FHIP1A: variants seen among roughly 807,000 people sequenced by gnomAD.
FHIP1A encodes FHF complex subunit HOOK interacting protein 1A.
FHIP1A carries 61 observed loss-of-function variants against 88.6 expected under a neutral mutation model. The ratio of observed to expected loss-of-function variants is 0.69; its 90% CI spans 0.56 to 0.85. The LOEUF is 0.85. Among genes scored for constraint, FHIP1A ranks in the 40% least tolerant of loss-of-function variants. The pLI is 0.00. For missense variants in FHIP1A, 1,154 were observed against 1,273.5 expected (o/e 0.91, Z 1.43); for synonymous variants, 478 against 496.0 (o/e 0.96, Z 0.48).
At chr4:151,652,825 G>A (rs1397953249) in intron 11 of FHIP1A, among the ~76,000 whole-genome samples, 1 of 152,220 alleles carries the variant, frequency 6.6e-6, no homozygotes, top group Non-Finnish European at 1.5e-5. Context: ...TGGGTGGGGA[G>A]GTGGGAGAGA....
intron 3 of FHIP1A, among the ~76,000 whole-genome samples, chr4:151,509,111 A>G (rs1730933133): frequency 6.6e-6 from 1 of 152,212 alleles, no homozygotes; most frequent in Admixed American, 6.5e-5. Context: ...CTGGGAAGCA[A>G]ACTGACTTTT....
At chr4:151,652,012 G>A (rs1052396390) in intron 11 of FHIP1A, among the ~76,000 whole-genome samples, 3 of 152,194 alleles carry the variant, frequency 2.0e-5, no homozygotes, top group Non-Finnish European at 4.4e-5. Flanking sequence ...GAAAAGGGCA[G>A]CAGTAACTTA....
intron 1 of FHIP1A, among the ~76,000 whole-genome samples, chr4:151,447,492 T>G (rs1446135499): frequency 6.6e-6 from 1 of 152,330 alleles, no homozygotes; most frequent in African/African-American, 2.4e-5. Context: ...TTTCCTCGAA[T>G]CACCATACTT....
intron 7 of FHIP1A, among the ~76,000 whole-genome samples, chr4:151,597,427 G>T (rs1005262542): frequency 1.3e-5 from 2 of 152,168 alleles, no homozygotes; most frequent in Non-Finnish European, 2.9e-5. Flanking sequence ...TCACCCGCCA[G>T]ATGCCAGCTG....
chr4:151,445,189 C>T (rs146236725), intron 1 of FHIP1A, among the ~76,000 whole-genome samples: 1 of 152,158 alleles, frequency 6.6e-6, no homozygotes, highest in African/African-American at 2.4e-5. Flanking sequence ...TAATTTACTA[C>T]AAAGTATATA....
At chr4:151,514,511 A>C (rs1381802942) in intron 3 of FHIP1A, among the ~76,000 whole-genome samples, 1 of 151,818 alleles carries the variant, frequency 6.6e-6, no homozygotes, top group African/African-American at 2.4e-5. Context: ...TAATGAATCC[A>C]GGAGCTGGTT....
At chr4:151,574,133 T>G (rs1733697110) in intron 4 of FHIP1A, among the ~76,000 whole-genome samples, 1 of 152,220 alleles carries the variant, frequency 6.6e-6, no homozygotes, top group Admixed American at 6.5e-5. Flanking sequence ...TAAGGACATG[T>G]GGCAACACAA....
At chr4:151,629,243 C>A (rs867378971) in intron 7 of FHIP1A, among the ~76,000 whole-genome samples, 1 of 152,180 alleles carries the variant, frequency 6.6e-6, no homozygotes, top group Non-Finnish European at 1.5e-5. Context: ...GCTCATCTTT[C>A]TGGACATAAG....
chr4:151,646,997 C>T (rs1446381138), intron 10 of FHIP1A, among the ~76,000 whole-genome samples: 2 of 152,104 alleles, frequency 1.3e-5, no homozygotes, highest in Non-Finnish European at 2.9e-5. Flanking sequence ...GTGGGATCCT[C>T]AGAGTCAAAA....
At chr4:151,568,241 A>G (rs1733466500) in intron 4 of FHIP1A, among the ~76,000 whole-genome samples, 1 of 152,242 alleles carries the variant, frequency 6.6e-6, no homozygotes, top group Non-Finnish European at 1.5e-5. Context: ...ACAGATACAT[A>G]GTACTCTCAG....
At chr4:151,634,176 A>C (rs1245717566) in intron 8 of FHIP1A, among the ~76,000 whole-genome samples, 1 of 151,862 alleles carries the variant, frequency 6.6e-6, no homozygotes. Context: ...TAATAGCATC[A>C]AAAAGAATAA....
At chr4:151,557,781 G>A (rs1733007436) in intron 3 of FHIP1A, among the ~76,000 whole-genome samples, 1 of 152,148 alleles carries the variant, frequency 6.6e-6, no homozygotes, top group Admixed American at 6.5e-5. Context: ...CCTAAATTCT[G>A]GACCTCCAAG....
chr4:151,586,070 G>A (rs1405897115), intron 5 of FHIP1A, among the ~76,000 whole-genome samples: 3 of 152,098 alleles, frequency 2.0e-5, no homozygotes, highest in East Asian at 3.9e-4. Flanking sequence ...ATACGTGGAA[G>A]TGCTTTGTAA....
intron 3 of FHIP1A, among the ~76,000 whole-genome samples, chr4:151,501,023 T>C (rs1268985285): frequency 2.0e-5 from 3 of 152,194 alleles, no homozygotes; most frequent in East Asian, 1.9e-4. Context: ...CTGAAAAGCA[T>C]TGGAGTGAAG....
At chr4:151,597,274 C>T (rs1421590882) in intron 7 of FHIP1A, among the ~76,000 whole-genome samples, 4 of 152,092 alleles carry the variant, frequency 2.6e-5, no homozygotes, top group African/African-American at 4.8e-5. Context: ...TTCCTTCTAA[C>T]AGTCAGGCCC....
At chr4:151,519,159 T>A (rs1731363209) in intron 3 of FHIP1A, among the ~76,000 whole-genome samples, 1 of 152,190 alleles carries the variant, frequency 6.6e-6, no homozygotes, top group Non-Finnish European at 1.5e-5. Flanking sequence ...TACACCTGCA[T>A]AATCCAAAGT....
Position 151,577,548 on chromosome 4 carries a change from A to G in FHIP1A, c.204A>G (p.Val68=), listed in dbSNP as rs1437609092. The change falls in exon 5 of 14, where the codon GTA becomes GTG. Residue 68 remains valine (V), a synonymous_variant. Coordinates refer to ENST00000435205, the MANE Select transcript of FHIP1A (RefSeq NM_001109977.3). ...AGGCCAGTGCCGTGCAGAATTACGT[A>G]GAACACATGCTCTTCTTGTTGATTG... ...PDEASAVQNY[V]EHMLFLLIEE... The G allele has an allele frequency of 3.9e-6, 6 of 1,551,766 alleles. No homozygotes were observed. The highest frequency in any genetic ancestry group is 2.0e-5 in the Admixed American group (1 of 50,984).
At chr4:151,536,586 C>T (rs1029568964) in intron 3 of FHIP1A, among the ~76,000 whole-genome samples, 8 of 152,104 alleles carry the variant, frequency 5.3e-5, no homozygotes, top group Non-Finnish European at 1.0e-4. Flanking sequence ...TGGCTTTTTT[C>T]GCTCAGCATA....
chr4:151,561,563 G>A (rs1733174374), intron 3 of FHIP1A, among the ~76,000 whole-genome samples: 1 of 152,084 alleles, frequency 6.6e-6, no homozygotes, highest in Non-Finnish European at 1.5e-5. Flanking sequence ...AGGGCACAAG[G>A]TTCACCTCTC....
Sources: allele counts gnomAD v4.1 joint callset (sites outside exome capture counted in the v4.1 genomes callset), GRCh38; gene constraint gnomAD v4.1.1; transcripts MANE v1.5; gene names NCBI Gene and HGNC (gene_info 2026-07-23, HGNC 2026-07-21).